The following SPAG16 variants were observed in gnomAD, a reference collection of about 807,000 sequenced individuals.
The protein encoded by SPAG16 is sperm-associated antigen 16 protein.
SPAG16 carries 86 observed loss-of-function variants against 80.4 expected under a neutral mutation model. The ratio of observed to expected loss-of-function variants is 1.07; its 90% CI spans 0.90 to 1.28. The LOEUF is 1.28. SPAG16 is among the 50% of genes most tolerant of loss of function. SPAG16 has a pLI of 0.00. For synonymous variants in SPAG16, 294 were observed against 265.9 expected, an observed-to-expected ratio of 1.11 and a Z score of -1.03; for missense variants, 870 against 765.3, an observed-to-expected ratio of 1.14 and a Z score of -1.61.
At chr2:213,388,411 G>A (rs2067563033) in intron 9 of SPAG16, among the ~76,000 whole-genome samples, 1 of 152,100 alleles carries the variant, frequency 6.6e-6, no homozygotes. Context: ...ACTTTGGGGA[G>A]CCAAACATTA....
intron 5 of SPAG16, among the ~76,000 whole-genome samples, chr2:213,335,352 C>G (rs926814048): frequency 1.3e-5 from 2 of 152,108 alleles, no homozygotes; most frequent in African/African-American, 4.8e-5. Flanking sequence ...AAATGCAAAA[C>G]TGTCCTAAAT....
At chr2:213,329,614 A>C (rs980024479) in intron 5 of SPAG16, among the ~76,000 whole-genome samples, 2 of 152,190 alleles carry the variant, frequency 1.3e-5, no homozygotes, top group African/African-American at 4.8e-5. Flanking sequence ...CAGAGCATAA[A>C]AGTTTGGAAA....
Position 214,174,710 on chromosome 2 carries a change from G to A in SPAG16, c.1720+25444G>A, listed in dbSNP as rs2057007529. ...GTGCCATACATACAGTATTTCAGTA[G>A]CCCAGGATGGCAAAGGCTGTTCCAT... On this transcript the variant is annotated intron_variant, in intron 15 of 15. Transcript: ENST00000331683. 2.6e-5 allele frequency among the ~76,000 whole-genome samples: 4 copies of A among 151,644 alleles called. No homozygotes were observed. In the South Asian group the frequency reaches 8.3e-4, roughly 31 times the overall value.
At chr2:213,481,992 T>C (rs1228072299) in intron 9 of SPAG16, among the ~76,000 whole-genome samples, 1 of 152,234 alleles carries the variant, frequency 6.6e-6, no homozygotes, top group Non-Finnish European at 1.5e-5. Context: ...CCTGACTTGG[T>C]AATGAGAAGA....
intron 10 of SPAG16, among the ~76,000 whole-genome samples, chr2:213,563,932 A>G (rs1207087058): frequency 6.6e-6 from 1 of 152,200 alleles, no homozygotes; most frequent in Non-Finnish European, 1.5e-5. Flanking sequence ...AACATGGAGT[A>G]TGGAAAACCA....
At chr2:214,284,134 G>A (rs79104575) in intron 15 of SPAG16, among the ~76,000 whole-genome samples, 3,398 of 152,194 alleles carry the variant, frequency 0.022, 86 homozygotes, top group African/African-American at 0.058. Flanking sequence ...CCCCTCTTTT[G>A]GGGTGTAAGG....
At chr2:213,963,047 T>G (rs2044531864) in intron 12 of SPAG16, among the ~76,000 whole-genome samples, 1 of 151,514 alleles carries the variant, frequency 6.6e-6, no homozygotes, top group South Asian at 2.1e-4. Context: ...TATTTCCTAC[T>G]GTTATTTTGT....
intron 12 of SPAG16, among the ~76,000 whole-genome samples, chr2:213,996,565 CTTTTTTTTTT>C (rs57100155): frequency 2.6e-5 from 3 of 116,984 alleles, no homozygotes; most frequent in African/African-American, 1.0e-4. Flanking sequence ...TAATGCTATT[CTTTTTTTTTT>C]TTTTTTTTTT....
At chr2:213,299,440 T>G (rs1160955570) in intron 3 of SPAG16, among the ~76,000 whole-genome samples, 1 of 94,544 alleles carries the variant, frequency 1.1e-5, no homozygotes, top group African/African-American at 2.8e-5. Flanking sequence ...CGAGCTAATT[T>G]TTTTTTTTTT....
At chr2:213,718,525 G>A (rs980428102) in intron 10 of SPAG16, among the ~76,000 whole-genome samples, 2 of 152,214 alleles carry the variant, frequency 1.3e-5, no homozygotes, top group African/African-American at 4.8e-5. Flanking sequence ...GCTGCCTGCG[G>A]TGCTTGCAGG....
intron 11 of SPAG16, among the ~76,000 whole-genome samples, chr2:213,867,113 C>G (rs2075719251): frequency 6.6e-6 from 1 of 152,112 alleles, no homozygotes; most frequent in Non-Finnish European, 1.5e-5. Flanking sequence ...ACTTGTCTGT[C>G]CAGATCTTTT....
chr2:213,310,047 T>C lies in SPAG16; in HGVS notation c.280-12T>C, dbSNP rs1248420531. On this transcript the variant is annotated splice_polypyrimidine_tract_variant and intron_variant, in intron 3 of 15. Transcript: ENST00000331683. Reference sequence around the variant, plus strand: ...TGTTTTCAGAATAAATAAATGCACGTTTAAATTTCAGGAACGGAAAACAGT... The same window carrying C: ...TGTTTTCAGAATAAATAAATGCACGCTTAAATTTCAGGAACGGAAAACAGT... 6 of 1,545,490 alleles carry C rather than the reference T, an allele frequency of 3.9e-6. No individual in the cohort carries two copies. The highest frequency in any genetic ancestry group is 5.3e-6 in the Non-Finnish European group (6 of 1,123,696).
At chr2:214,210,818 TACACACACACATGCGCGCGCGCACACAC>T (rs2058271599) in intron 15 of SPAG16, among the ~76,000 whole-genome samples, 2 of 150,262 alleles carry the variant, frequency 1.3e-5, no homozygotes, top group Non-Finnish European at 1.5e-5. Context: ...AGCAAAAAAA[TACACACACACATGCGCGCGCGCACACAC>T]ACACACACAC....
At chr2:213,566,728 G>A (rs1415865852) in intron 10 of SPAG16, among the ~76,000 whole-genome samples, 1 of 152,112 alleles carries the variant, frequency 6.6e-6, no homozygotes, top group East Asian at 1.9e-4. Context: ...GGTCCTTCTG[G>A]TGATGGTGTA....
At chr2:214,365,514 TA>T (rs1215254255) in intron 15 of SPAG16, among the ~76,000 whole-genome samples, 10 of 152,274 alleles carry the variant, frequency 6.6e-5, no homozygotes, top group Non-Finnish European at 1.3e-4. Context: ...CTATGAATTT[TA>T]AATAGAAGAG....
chr2:213,882,515 G>A (rs1046096455), intron 11 of SPAG16, among the ~76,000 whole-genome samples: 1 of 151,922 alleles, frequency 6.6e-6, no homozygotes, highest in Admixed American at 6.6e-5. Flanking sequence ...ATTTTAATCT[G>A]TTCCTGGTTC....
intron 15 of SPAG16, among the ~76,000 whole-genome samples, chr2:214,324,338 A>G (rs1000064198): frequency 3.9e-5 from 6 of 152,200 alleles, no homozygotes; most frequent in Non-Finnish European, 5.9e-5. Flanking sequence ...TAGTATTTCA[A>G]TATTGATGCA....
At chr2:214,229,794 A>T (rs2125797493) in intron 15 of SPAG16, among the ~76,000 whole-genome samples, 1 of 152,026 alleles carries the variant, frequency 6.6e-6, no homozygotes, top group East Asian at 1.9e-4. Context: ...TATGGTGTAG[A>T]ATACATGTTA....
At chr2:213,885,294 A>G (rs957295856) in intron 11 of SPAG16, among the ~76,000 whole-genome samples, 3 of 152,188 alleles carry the variant, frequency 2.0e-5, no homozygotes, top group Non-Finnish European at 2.9e-5. Context: ...AGTAATGACC[A>G]GTAGATATGG....
Sources: gnomAD v4.1 joint callset for allele counts (sites outside exome capture counted in the v4.1 genomes callset) on GRCh38, gnomAD v4.1.1 for gene constraint, MANE v1.5 for transcripts, NCBI Gene and HGNC (gene_info 2026-07-23, HGNC 2026-07-21) for gene names.